The following ZNF648 variants were observed in gnomAD, a reference collection of about 807,000 sequenced individuals.
ZNF648 encodes zinc finger protein 648.
In ZNF648, 1 loss-of-function variant was observed where a neutral mutation model predicts 0.3. That is an observed-to-expected ratio of 3.90 (90% CI 1.39 to 18.51). ZNF648 has a LOEUF of 18.51. Ranked by LOEUF, ZNF648 falls within the 30% of genes most tolerant of loss-of-function variation. The probability of loss-of-function intolerance (pLI) is 0.11; values close to 1 mark genes in which losing one functional copy is unlikely to be tolerated. For missense variants in ZNF648, 874 were observed against 769.7 expected (o/e 1.14, Z -1.60); for synonymous variants, 376 against 326.8 (o/e 1.15, Z -1.62).
intron 1 of ZNF648, among the ~76,000 whole-genome samples, chr1:182,058,827 G>A (rs1038854058): frequency 6.6e-6 from 1 of 151,884 alleles, no homozygotes; most frequent in Admixed American, 6.6e-5. Context: ...TCTCATTTTT[G>A]TTTTTGTTTT....
rs770051915 is a variant in ZNF648, at chr1:182,056,451, G to A, written c.1560C>T (p.Ala520=). 1.9e-6 allele frequency: 3 copies of A among 1,613,846 alleles called. No homozygotes were observed. The highest frequency in any genetic ancestry group is 2.5e-6 in the Non-Finnish European group (3 of 1,179,966). ...GRAFRIASEL[A]QHIRMHNGER... ...CTCCGTTGTGCATTCGTATGTGCTGGGCCAACTCAGAGGCAATGCGGAAGG... is the reference window on the plus strand; with the variant it reads ...CTCCGTTGTGCATTCGTATGTGCTGAGCCAACTCAGAGGCAATGCGGAAGG... Residue 520 remains alanine, a synonymous_variant, in exon 2 of 2, where the codon GCC becomes GCT. Coordinates refer to ENST00000339948, the MANE Select transcript of ZNF648 (RefSeq NM_001009992.1).
chr1:182,064,809 T>G (rs1483521085), upstream of ZNF648: 1 of 152,164 alleles, frequency 6.6e-6, no homozygotes, highest in Non-Finnish European at 1.5e-5. Context: ...ACATGGTTGC[T>G]CAAAATATCC....
In ZNF648 at chr1:182,056,741, T is replaced by G. The variant is rs768429364; in HGVS notation, c.1270A>C (p.Thr424Pro). Reference sequence around the variant, plus strand: ...GACTTGGTGAAGCACTTGCCGCAGGTGGGGCAGGGGAAGGGCCGCTCGCCC... The same window carrying G: ...GACTTGGTGAAGCACTTGCCGCAGGGGGGGCAGGGGAAGGGCCGCTCGCCC... ...HSGERPFPCP[T>P]CGKCFTKSSN... is the part of the protein sequence containing the mutation. Residue 424 changes from threonine to proline, a missense_variant, in exon 2 of 2, where the codon ACC becomes CCC. Thr to Pro is a conservative substitution (Grantham distance 38, BLOSUM62 -1). Coordinates refer to ENST00000339948, the MANE Select transcript of ZNF648 (RefSeq NM_001009992.1). The G allele has an allele frequency of 6.3e-7, 1 of 1,577,300 alleles. No individual in the cohort carries two copies.
upstream of ZNF648, among the ~76,000 whole-genome samples, chr1:182,066,684 G>A (rs1332031812): frequency 6.6e-6 from 1 of 152,124 alleles, no homozygotes; most frequent in Non-Finnish European, 1.5e-5. Context: ...TAACTTCTTT[G>A]AGCCTCATGC....
At chr1:182,063,421 T>C (rs1666056437), upstream of ZNF648, 1 of 152,366 alleles carries the variant, frequency 6.6e-6, no homozygotes, top group East Asian at 1.9e-4. Flanking sequence ...TGGTATCTCA[T>C]TGTGGTTTTA....
upstream of ZNF648, among the ~76,000 whole-genome samples, chr1:182,065,376 T>A (rs999015154): frequency 6.6e-6 from 1 of 152,194 alleles, no homozygotes; most frequent in African/African-American, 2.4e-5. Flanking sequence ...CCCTCAGCCT[T>A]GCTGCCCAGA....
chr1:182,056,347 C>A lies in ZNF648; in HGVS notation c.1664G>T (p.Gly555Val), dbSNP rs916883918. Residue 555 changes from glycine to valine, a missense_variant, in exon 2 of 2, where the codon GGC (glycine) becomes GTC (valine). Coordinates refer to ENST00000339948, the MANE Select transcript of ZNF648 (RefSeq NM_001009992.1). ...NHLQRHRAKHGTCKKEPIPSS... is the reference protein window; with the variant it reads ...NHLQRHRAKHVTCKKEPIPSS... ...AGGGATGGGCTCCTTCTTGCAGGTG[C>A]CGTGCTTGGCTCGGTGTCGTTGGAG... 1 of 1,613,894 alleles carries A rather than the reference C, an allele frequency of 6.2e-7. No individual in the cohort carries two copies. Among genetic ancestry groups the A allele is most frequent in the Admixed American group, 1.7e-5 (1 of 59,990 alleles).
At chr1:182,069,314 G>A in the ZNF648 span, 2 of 152,366 alleles carry the variant, frequency 1.3e-5, no homozygotes, top group East Asian at 3.9e-4. Flanking sequence ...TGTCTAGCTC[G>A]GCTGCCTGAA....
chr1:182,058,263 T>G (rs1358206411), intron 1 of ZNF648, among the ~76,000 whole-genome samples, 190 bp from the exon 2 acceptor site: 2 of 152,048 alleles, frequency 1.3e-5, no homozygotes, highest in Admixed American at 1.3e-4. Context: ...CCTCTGGAGA[T>G]CCCACTTGCT....
At chr1:182,064,395 C>T (rs1272026129), upstream of ZNF648, 2 of 152,030 alleles carry the variant, frequency 1.3e-5, no homozygotes, top group Non-Finnish European at 2.9e-5. Context: ...TCCCTGTGGC[C>T]CTGTTGAAGC....
chr1:182,058,164 G>C, intron 1 of ZNF648, 91 bp from the exon 2 acceptor site: 1 of 865,636 alleles, frequency 1.2e-6, no homozygotes, highest in Non-Finnish European at 1.7e-6. Flanking sequence ...CTATAGCTCT[G>C]TTTCCAACTG....
chr1:182,060,044 A>G (rs1212009451), intron 1 of ZNF648, among the ~76,000 whole-genome samples: 2 of 152,214 alleles, frequency 1.3e-5, no homozygotes, highest in Non-Finnish European at 2.9e-5. Flanking sequence ...CAGCTGCAGC[A>G]TCCTGGGGTG....
At chr1:182,067,677 T>C in the ZNF648 span, among the ~76,000 whole-genome samples, 1 of 152,252 alleles carries the variant, frequency 6.6e-6, no homozygotes, top group East Asian at 1.9e-4. Flanking sequence ...AAGACCTACA[T>C]TGCACTATAG....
chr1:182,057,425 C>T lies in ZNF648; in HGVS notation c.586G>A (p.Gly196Arg), dbSNP rs1454055880. The T allele has an allele frequency of 6.2e-7, 1 of 1,614,188 alleles. No homozygotes were observed. Among genetic ancestry groups the T allele is most frequent in the South Asian group, 1.1e-5 (1 of 91,086 alleles). ...TGCGTGGGAAGGTCCCAGTTGCTCC[C>T]CGGCCTGGGGAAACACAACAGAGAA... ...NSSLLCFPRPGSNWDLPTQET... is the reference protein window; with the variant it reads ...NSSLLCFPRPRSNWDLPTQET... The change falls in exon 2 of 2, where the codon GGG becomes AGG. Residue 196 changes from glycine (G) to arginine (R), a missense_variant. Gly to Arg is a moderately radical substitution (Grantham distance 125). Coordinates refer to ENST00000339948, the MANE Select transcript of ZNF648 (RefSeq NM_001009992.1).
chr1:182,061,937 T>A (rs1006725175), upstream of ZNF648, among the ~76,000 whole-genome samples: 1 of 152,194 alleles, frequency 6.6e-6, no homozygotes, highest in Non-Finnish European at 1.5e-5. Flanking sequence ...CACTCCTTCC[T>A]TCCACAGAGC....
At chr1:182,068,094 A>T in the ZNF648 span, among the ~76,000 whole-genome samples, 1 of 152,248 alleles carries the variant, frequency 6.6e-6, no homozygotes, top group East Asian at 1.9e-4. Context: ...TAATAAACAC[A>T]TTGAAAAAGA....
In ZNF648 at chr1:182,056,672, G is replaced by T. The variant is rs774012555; in HGVS notation, c.1339C>A (p.Pro447Thr). ...EHQTLHTGQRPFKCADCGVAF... is the reference protein window; with the variant it reads ...EHQTLHTGQRTFKCADCGVAF... ...ACGCCGCAGTCAGCGCACTTGAAAGGCCTCTGGCCGGTGTGCAGCGTCTGG... is the reference window on the plus strand; with the variant it reads ...ACGCCGCAGTCAGCGCACTTGAAAGTCCTCTGGCCGGTGTGCAGCGTCTGG... The change falls in exon 2 of 2, where the codon CCT (proline) becomes ACT (threonine). Residue 447 changes from proline (P) to threonine (T), a missense_variant. Transcript: ENST00000339948. 1.2e-6 allele frequency: 2 copies of T among 1,605,288 alleles called. No individual in the cohort carries two copies. The highest frequency in any genetic ancestry group is 1.7e-4 in the Middle Eastern group (1 of 6,034).
rs142953529 is a variant in ZNF648 at position 182,058,092 on chromosome 1, G to A, written c.-63-19C>T. On this transcript the variant is annotated intron_variant, in intron 1 of 1. Coordinates refer to ENST00000339948, the MANE Select transcript of ZNF648 (RefSeq NM_001009992.1). Reference sequence around the variant, plus strand: ...AGGATACCTGCAAAAAGAAAAGTACGAAGAGAAAATCACAAAGAATGTACT... The same window carrying A: ...AGGATACCTGCAAAAAGAAAAGTACAAAGAGAAAATCACAAAGAATGTACT... 43 of 1,482,276 alleles carry A rather than the reference G, an allele frequency of 2.9e-5. No homozygotes were observed. In the African/African-American group the frequency reaches 5.4e-4, roughly 18 times the overall value. The allele number at this position is 1,482,276 out of a possible 1,614,324, so 91.8% of individuals were successfully genotyped here. A position where few individuals can be genotyped will look rare whatever the true frequency, so the allele number is the denominator to read the frequency against.
At chr1:182,068,759 C>A in the ZNF648 span, among the ~76,000 whole-genome samples, 13 of 151,318 alleles carry the variant, frequency 8.6e-5, no homozygotes, top group Non-Finnish European at 5.9e-5. Context: ...CTCACCTTCA[C>A]AAAGAATTTT....
Sources: gnomAD v4.1 joint callset for allele counts (sites outside exome capture counted in the v4.1 genomes callset) on GRCh38, gnomAD v4.1.1 for gene constraint, MANE v1.5 for transcripts, NCBI Gene and HGNC (gene_info 2026-07-23, HGNC 2026-07-21) for gene names.